NCKAP5: variants seen among roughly 807,000 people sequenced by gnomAD.
NCKAP5 encodes nck-associated protein 5.
In NCKAP5, 92 loss-of-function variants were observed where a neutral mutation model predicts 167.0. The observed-to-expected ratio is 0.55, with a 90% CI of 0.47 to 0.66. The LOEUF (loss-of-function observed/expected upper bound fraction) is 0.66, where lower values mean the gene tolerates loss of function less well. Ranked by LOEUF, NCKAP5 falls within the 30% of genes least tolerant of loss-of-function variation. The probability of loss-of-function intolerance (pLI) is 0.00; values close to 1 mark genes in which losing one functional copy is unlikely to be tolerated. For synonymous variants in NCKAP5, 891 were observed against 877.4 expected, an observed-to-expected ratio of 1.02 and a Z score of -0.27; for missense variants, 2,378 against 2,315.0, an observed-to-expected ratio of 1.03 and a Z score of -0.56.
intron 3 of NCKAP5, among the ~76,000 whole-genome samples, chr2:133,309,157 C>T (rs528653497): frequency 6.6e-6 from 1 of 152,278 alleles, no homozygotes; most frequent in East Asian, 1.9e-4. Context: ...TAATATCCTA[C>T]AGTAAATGGT....
At chr2:133,466,103 G>A (rs1188159951) in intron 3 of NCKAP5, among the ~76,000 whole-genome samples, 3 of 147,334 alleles carry the variant, frequency 2.0e-5, no homozygotes, top group African/African-American at 5.0e-5. Context: ...GTCCTGAATG[G>A]TAATGCCTAG....
chr2:133,078,019 T>C (rs6757447), intron 6 of NCKAP5, among the ~76,000 whole-genome samples: 84 of 152,286 alleles, frequency 5.5e-4, no homozygotes, highest in African/African-American at 2.0e-3. Context: ...GAGACCAACA[T>C]GCTGGTCCCA....
At chr2:133,673,070 T>C in the NCKAP5 span, among the ~76,000 whole-genome samples, 1 of 152,178 alleles carries the variant, frequency 6.6e-6, no homozygotes, top group African/African-American at 2.4e-5. Flanking sequence ...CCCAAAATGA[T>C]GATGACACCA....
chr2:132,838,324 C>G (rs1200818068), intron 11 of NCKAP5, among the ~76,000 whole-genome samples: 1 of 152,092 alleles, frequency 6.6e-6, no homozygotes, highest in East Asian at 1.9e-4. Context: ...TCTGCTCCCC[C>G]TCTTCTAAAA....
At chr2:133,624,275 T>A in the NCKAP5 span, among the ~76,000 whole-genome samples, 1 of 151,286 alleles carries the variant, frequency 6.6e-6, no homozygotes, top group South Asian at 2.1e-4. Context: ...TTGAAAACAT[T>A]TTTTTTTAAT....
intron 19 of NCKAP5, among the ~76,000 whole-genome samples, chr2:132,696,051 A>C (rs1433207011): frequency 2.0e-5 from 3 of 151,766 alleles, no homozygotes; most frequent in African/African-American, 7.3e-5. Context: ...AAAAAATAAC[A>C]CTCAGTGAAA....
intron 6 of NCKAP5, among the ~76,000 whole-genome samples, chr2:133,091,111 C>A (rs964063413): frequency 1.1e-4 from 16 of 152,310 alleles, no homozygotes; most frequent in African/African-American, 3.8e-4. Context: ...GTGCCTGCTT[C>A]CCCTTCTGCC....
chr2:133,467,796 G>A lies in NCKAP5; in HGVS notation c.69+49662C>T, dbSNP rs1484354081. 7.4e-4 allele frequency among the ~76,000 whole-genome samples: 104 copies of A among 139,690 alleles called. 3 individuals carry two copies. The highest frequency in any genetic ancestry group is 1.8e-3 in the African/African-American group (64 of 36,392). The allele number at this position is 139,690 out of a possible 152,430, so 91.6% of individuals were successfully genotyped here. A position where few individuals can be genotyped will look rare whatever the true frequency, so the allele number is the denominator to read the frequency against. Reference sequence around the variant, plus strand: ...CTTCTAGATTTTCTAGTTTATTTGCGTAGAGGTGTTTGTAGTATTCTCTGA... The same window carrying A: ...CTTCTAGATTTTCTAGTTTATTTGCATAGAGGTGTTTGTAGTATTCTCTGA... On this transcript the variant is annotated intron_variant, in intron 3 of 19. Transcript: ENST00000409261.
intron 2 of NCKAP5, among the ~76,000 whole-genome samples, chr2:133,531,902 A>C (rs2104831575): frequency 6.6e-6 from 1 of 152,338 alleles, no homozygotes; most frequent in South Asian, 2.1e-4. Flanking sequence ...CTTTTAAGTA[A>C]TAAAAGCACT....
At chr2:133,363,360 A>G (rs965677902) in intron 3 of NCKAP5, among the ~76,000 whole-genome samples, 4 of 152,088 alleles carry the variant, frequency 2.6e-5, no homozygotes, top group Non-Finnish European at 5.9e-5. Context: ...TGCATTTGTC[A>G]TTCAGTGGCA....
chr2:133,256,596 G>A (rs1046456809), intron 4 of NCKAP5, among the ~76,000 whole-genome samples: 1 of 152,094 alleles, frequency 6.6e-6, no homozygotes, highest in African/African-American at 2.4e-5. Flanking sequence ...TAAAAAAATA[G>A]ATAAATGTAA....
intron 15 of NCKAP5, among the ~76,000 whole-genome samples, chr2:132,775,937 G>A (rs1483268862): frequency 6.6e-6 from 1 of 152,152 alleles, no homozygotes; most frequent in East Asian, 1.9e-4. Flanking sequence ...CTGTTGGACT[G>A]TCAGTAAATC....
intron 6 of NCKAP5, among the ~76,000 whole-genome samples, chr2:133,071,414 C>T (rs1019905043): frequency 6.6e-6 from 1 of 152,194 alleles, no homozygotes. Context: ...CACTGCACTC[C>T]AGCCTGGGCG....
intron 6 of NCKAP5, among the ~76,000 whole-genome samples, chr2:133,067,000 G>A (rs1335297752): frequency 6.6e-6 from 1 of 151,074 alleles, no homozygotes; most frequent in Non-Finnish European, 1.5e-5. Flanking sequence ...AATCTGAACA[G>A]GATGGAGGAA....
At chr2:132,994,100 C>A (rs572764384) in intron 7 of NCKAP5, 52 bp downstream of exon 7, 2 of 1,324,886 alleles carry the variant, frequency 1.5e-6, no homozygotes, top group South Asian at 1.4e-5. Flanking sequence ...TAGAGAAATA[C>A]AAGAAAAACA....
At position 133,442,681 on chromosome 2, in the gene NCKAP5, TG is replaced by T. The variant is rs1351680724; in HGVS notation, c.69+74776del. ...TAGTTCCCCAGCACCTAGCAGAGTG[TG>T]GGCTGCCAATGGTGTTTGTTGAACT... On this transcript the variant is annotated intron_variant, in intron 3 of 19. Coordinates refer to ENST00000409261, the MANE Select transcript of NCKAP5 (RefSeq NM_207363.3). 2.0e-5 allele frequency among the ~76,000 whole-genome samples: 3 copies of T among 152,308 alleles called. No individual in the cohort carries two copies. The East Asian group carries it at 5.8e-4, about 29-fold the overall frequency.
intron 3 of NCKAP5, among the ~76,000 whole-genome samples, chr2:133,386,938 G>A (rs1266529424): frequency 6.6e-6 from 1 of 152,056 alleles, no homozygotes; most frequent in East Asian, 1.9e-4. Flanking sequence ...GCCTGTATGT[G>A]TCTCTGCACA....
At chr2:133,387,627 C>T (rs1230819751) in intron 3 of NCKAP5, among the ~76,000 whole-genome samples, 2 of 152,190 alleles carry the variant, frequency 1.3e-5, no homozygotes, top group African/African-American at 2.4e-5. Flanking sequence ...GGATAATATC[C>T]TGAAGAGTGT....
chr2:133,149,370 C>G (rs16857341), intron 5 of NCKAP5, among the ~76,000 whole-genome samples: 10,134 of 152,116 alleles, frequency 0.067, 654 homozygotes, highest in East Asian at 0.37. Flanking sequence ...TATGCTCAGG[C>G]AAAGCATGGA....
Sources: gnomAD v4.1 joint callset for allele counts (sites outside exome capture counted in the v4.1 genomes callset) on GRCh38, gnomAD v4.1.1 for gene constraint, MANE v1.5 for transcripts, NCBI Gene and HGNC (gene_info 2026-07-23, HGNC 2026-07-21) for gene names.